The following URB1 variants were observed in gnomAD, a reference collection of about 807,000 sequenced individuals.
URB1 encodes URB1 ribosome biogenesis factor.
A neutral mutation model predicts 242.3 loss-of-function variants in URB1; 197 were observed. The ratio of observed to expected loss-of-function variants is 0.81; its 90% CI spans 0.72 to 0.91. URB1 has a LOEUF of 0.91. Among genes scored for constraint, URB1 ranks in the 40% least tolerant of loss-of-function variants. The pLI is 0.00. For missense variants in URB1, 2,721 were observed against 2,860.5 expected (o/e 0.95, Z 1.11); for synonymous variants, 1,153 against 1,201.8 (o/e 0.96, Z 0.84).
chr21:32,383,644 G>C, intron 3 of URB1, 90 bp from the exon 4 acceptor site: 2 of 1,354,364 alleles, frequency 1.5e-6, no homozygotes, highest in Non-Finnish European at 1.9e-6. Context: ...AGCTGCTTGT[G>C]TTATTTGCTA....
At position 32,386,988 on chromosome 21, in the gene URB1, G is replaced by A. The variant is rs536754385; in HGVS notation, c.143-1304C>T. Among the ~76,000 whole-genome samples, 56 of 152,128 alleles carry A rather than the reference G, an allele frequency of 3.7e-4. 1 individual carries two copies. The highest frequency in any genetic ancestry group is 7.2e-4 in the Admixed American group (11 of 15,278). On this transcript the variant is annotated intron_variant, in intron 1 of 38. Coordinates refer to ENST00000382751, the MANE Select transcript of URB1 (RefSeq NM_014825.3). ...GAGTGCACTGGCACACAGAGTGTCC[G>A]TGCTGCACCTGGCCCACAGTCAGTA...
rs577944730 is a variant in URB1 at position 32,392,630 on chromosome 21, C to T, written c.142+139G>A. 4.2e-6 allele frequency: 5 copies of T among 1,188,668 alleles called. No homozygotes were observed. The African/African-American group carries it at 6.4e-5, about 15-fold the overall frequency. 73.6% of individuals were successfully genotyped at this position (1,188,668 alleles called of 1,614,324 possible). On this transcript the variant is annotated intron_variant, in intron 1 of 38. Transcript: ENST00000382751. ...AAGGAAGTACACAGCAGTCCTGAAC[C>T]TCAGTTTTCTGCAAACCAGAGGCTT...
intron 34 of URB1, among the ~76,000 whole-genome samples, chr21:32,321,491 A>G (rs1341498675): frequency 6.6e-6 from 1 of 152,212 alleles, no homozygotes; most frequent in Non-Finnish European, 1.5e-5. Context: ...ATTACTGATC[A>G]GTACCCCCCA....
At chr21:32,342,515 C>G (rs966515529) in intron 24 of URB1, among the ~76,000 whole-genome samples, 4 of 151,980 alleles carry the variant, frequency 2.6e-5, no homozygotes, top group African/African-American at 9.7e-5. Flanking sequence ...GTTGCCAAGG[C>G]TGGAGTGCAA....
chr21:32,391,128 A>G (rs2033632578), intron 1 of URB1, among the ~76,000 whole-genome samples: 1 of 151,804 alleles, frequency 6.6e-6, no homozygotes, highest in African/African-American at 2.4e-5. Context: ...CAAAAAACCA[A>G]ACACCGCATG....
intron 19 of URB1, among the ~76,000 whole-genome samples, chr21:32,352,027 G>A (rs375307368): frequency 6.6e-6 from 1 of 152,160 alleles, no homozygotes; most frequent in Non-Finnish European, 1.5e-5. Flanking sequence ...ACAGGACCCG[G>A]TATGCCTCCA....
chr21:32,335,898 GA>G (rs1353780773), intron 28 of URB1, among the ~76,000 whole-genome samples: 16 of 152,358 alleles, frequency 1.1e-4, no homozygotes, highest in Non-Finnish European at 2.1e-4. Context: ...CCCGGCAGCT[GA>G]AACTAGACTC....
At chr21:32,366,829 A>G in intron 9 of URB1, 74 bp from the exon 10 acceptor site, 1 of 1,471,180 alleles carries the variant, frequency 6.8e-7, no homozygotes, top group Non-Finnish European at 9.2e-7. Context: ...GTAGGCACCC[A>G]AAGGTGAAGC....
intron 2 of URB1, among the ~76,000 whole-genome samples, chr21:32,384,935 T>C (rs1371156331): frequency 6.6e-6 from 1 of 151,914 alleles, no homozygotes; most frequent in African/African-American, 2.4e-5. Context: ...GAGCCGAGAC[T>C]GCGCCACTGC....
In URB1 at chr21:32,352,878, T is replaced by C. The variant is rs192610758; in HGVS notation, c.2445A>G (p.Ala815=). ...GGGTGTGGAGGAGGTCAGTCAGCAC[T>C]GCCGTCAGATATGTCACAACGTTTT... ...AAENVVTYLT[A]VLTDLLHTQR... The change falls in exon 19 of 39, where the codon GCA becomes GCG. Residue 815 remains alanine, a synonymous_variant. Coordinates refer to ENST00000382751, the MANE Select transcript of URB1 (RefSeq NM_014825.3). The C allele has an allele frequency of 2.6e-6, 4 of 1,550,932 alleles. No individual in the cohort carries two copies. In the South Asian group the frequency reaches 3.6e-5, roughly 14 times the overall value.
chr21:32,350,704 C>T lies in URB1; in HGVS notation c.2832G>A (p.Gln944=), dbSNP rs2033146725. ...YLRSTVENFG[Q]LGRSVGPPLL... is the part of the protein sequence containing the mutation. ...TGTGGAGGATGGGGGCAACGCTGAC[C>T]TGGCCGAAGTTCTCCACAGTGCTCC... The change falls in exon 20 of 39, where the codon CAG becomes CAA. Residue 944 remains glutamine, a splice_region_variant and synonymous_variant. Coordinates refer to ENST00000382751, the MANE Select transcript of URB1 (RefSeq NM_014825.3). 1 of 1,550,728 alleles carries T rather than the reference C, an allele frequency of 6.4e-7. No homozygotes were observed. The highest frequency in any genetic ancestry group is 1.4e-5 in the African/African-American group (1 of 73,058).
chr21:32,317,975 A>AGCACTGCGGCACCCT, intron 36 of URB1, 58 bp from the exon 37 acceptor site: 2 of 1,540,644 alleles, frequency 1.3e-6, no homozygotes, highest in Non-Finnish European at 8.8e-7. Context: ...CCTGGCAGTC[A>AGCACTGCGGCACCCT]GCACTGCGGC....
chr21:32,311,405 T>TCCC lies in URB1; in HGVS notation c.*3512_*3513insGGG. The TCCC allele has an allele frequency of 3.4e-6, 1 of 291,706 alleles. No homozygotes were observed. The highest frequency in any genetic ancestry group is 6.5e-6 in the Non-Finnish European group (1 of 153,198). 18.1% of individuals were successfully genotyped at this position (291,706 alleles called of 1,614,324 possible). A position where few individuals can be genotyped will look rare whatever the true frequency, so the allele number is the denominator to read the frequency against. On this transcript the variant is annotated 3_prime_UTR_variant, in exon 39 of 39. Transcript: ENST00000382751. ...TGGATGGGAGGTCAACCTGCTCCCC[T>TCCC]CCACCCCCCACCCCCCCCATCCTAA...
intron 8 of URB1, among the ~76,000 whole-genome samples, chr21:32,369,798 A>C (rs1045436149): frequency 3.9e-5 from 6 of 152,128 alleles, no homozygotes; most frequent in African/African-American, 1.4e-4. Flanking sequence ...CAGATGAAAG[A>C]AGCTAGGATG....
intron 36 of URB1, among the ~76,000 whole-genome samples, chr21:32,318,592 C>T (rs2032722612): frequency 1.3e-5 from 2 of 152,210 alleles, no homozygotes; most frequent in South Asian, 4.1e-4. Context: ...AGATTACAAT[C>T]CTCTTGCTAC....
chr21:32,352,470 T>C (rs138819902), intron 19 of URB1, among the ~76,000 whole-genome samples: 1 of 152,278 alleles, frequency 6.6e-6, no homozygotes, highest in Non-Finnish European at 1.5e-5. Flanking sequence ...CTATTATCAT[T>C]ATCAGGGAGC....
chr21:32,325,110 C>A, intron 31 of URB1, 119 bp downstream of exon 31: 2 of 1,295,346 alleles, frequency 1.5e-6, no homozygotes, highest in Non-Finnish European at 2.1e-6. Context: ...AGAGATCTCC[C>A]GGCAACATGC....
At chr21:32,347,936 A>G (rs997318937) in intron 21 of URB1, 125 bp from the exon 22 acceptor site, 3 of 1,386,712 alleles carry the variant, frequency 2.2e-6, no homozygotes, top group Non-Finnish European at 2.8e-6. Flanking sequence ...TTCCTAATCC[A>G]TTCCATCCTC....
chr21:32,366,625 G>A lies in URB1; in HGVS notation c.1328C>T (p.Ala443Val). 6.4e-7 allele frequency: 1 copy of A among 1,551,448 alleles called. No homozygotes were observed. The highest frequency in any genetic ancestry group is 8.7e-7 in the Non-Finnish European group (1 of 1,146,816). ...GCAACCACATGGCCTTACGTTTAAT[G>A]CTTGGGTGAACATGCTCTTATTGCA... Reference protein sequence around the residue: ...LVCNKSMFTQALNLDSTSVRH... With the variant: ...LVCNKSMFTQVLNLDSTSVRH... Residue 443 changes from alanine to valine, a missense_variant, in exon 10 of 39, where the codon GCA (alanine) becomes GTA (valine). Coordinates refer to ENST00000382751, the MANE Select transcript of URB1 (RefSeq NM_014825.3).
Sources: gnomAD v4.1 joint callset for allele counts (sites outside exome capture counted in the v4.1 genomes callset) on GRCh38, gnomAD v4.1.1 for gene constraint, MANE v1.5 for transcripts, NCBI Gene and HGNC (gene_info 2026-07-23, HGNC 2026-07-21) for gene names.